Variants in DOCK4 observed in about 807,000 individuals in gnomAD.
DOCK4 encodes dedicator of cytokinesis protein 4.
DOCK4 carries 97 observed loss-of-function variants against 268.1 expected under a neutral mutation model. The observed-to-expected ratio is 0.36, with a 90% CI of 0.31 to 0.43. The LOEUF (loss-of-function observed/expected upper bound fraction) is 0.43. Ranked by LOEUF, DOCK4 falls within the 20% of genes least tolerant of loss-of-function variation. The probability of loss-of-function intolerance (pLI) is 1.00; values close to 1 mark genes in which losing one functional copy is unlikely to be tolerated. For synonymous variants in DOCK4, 954 were observed against 887.2 expected (o/e 1.08, Z -1.34); for missense variants, 2,145 against 2,455.7 (o/e 0.87, Z 2.67).
intron 49 of DOCK4, 74 bp downstream of exon 49, chr7:111,739,060 G>A (rs1795706015): frequency 8.5e-6 from 11 of 1,297,008 alleles, no homozygotes; most frequent in Non-Finnish European, 1.1e-5. Flanking sequence ...CAGCTACCGC[G>A]TGTTTCTGCA....
At chr7:112,043,237 TAAA>T (rs35235606) in intron 1 of DOCK4, among the ~76,000 whole-genome samples, 5 of 145,206 alleles carry the variant, frequency 3.4e-5, no homozygotes, top group African/African-American at 1.2e-4. Flanking sequence ...ATCTCCTTTA[TAAA>T]AAAAAAAAAC....
intron 36 of DOCK4, among the ~76,000 whole-genome samples, chr7:111,777,254 C>A (rs767723272): frequency 2.2e-4 from 34 of 152,136 alleles, no homozygotes; most frequent in Non-Finnish European, 3.7e-4. Context: ...TAAACATATC[C>A]TTCAGGGATA....
chr7:111,987,028 G>A (rs1799106977), intron 6 of DOCK4, among the ~76,000 whole-genome samples: 1 of 152,134 alleles, frequency 6.6e-6, no homozygotes, highest in African/African-American at 2.4e-5. Context: ...TATACTTAAA[G>A]GAATAAGGTA....
intron 26 of DOCK4, among the ~76,000 whole-genome samples, chr7:111,828,581 A>G (rs1802572881): frequency 1.3e-5 from 2 of 152,200 alleles, no homozygotes; most frequent in African/African-American, 4.8e-5. Flanking sequence ...AAATCTCAAT[A>G]TATAATTGAT....
chr7:111,853,720 C>G (rs1198951848), intron 23 of DOCK4, among the ~76,000 whole-genome samples: 1 of 152,164 alleles, frequency 6.6e-6, no homozygotes, highest in Admixed American at 6.5e-5. Context: ...GCCTCCACCT[C>G]AGGCATCCTT....
At chr7:111,974,492 ATGTGTGTGTGTGTGTGTGTGTGTG>A (rs59409689) in intron 8 of DOCK4, among the ~76,000 whole-genome samples, 20 of 84,322 alleles carry the variant, frequency 2.4e-4, no homozygotes, top group Admixed American at 1.9e-3. Context: ...TTGAAGAGGG[ATGTGTGTGTGTGTGTGTGTGTGTG>A]TGTGTGTGTG....
chr7:111,841,287 C>T (rs746343499), intron 25 of DOCK4, among the ~76,000 whole-genome samples: 1 of 151,984 alleles, frequency 6.6e-6, no homozygotes, highest in African/African-American at 2.4e-5. Flanking sequence ...GCCTCAGTCT[C>T]CTGAGTAGCT....
chr7:111,848,389 G>A (rs114643988), intron 23 of DOCK4, among the ~76,000 whole-genome samples: 132 of 152,294 alleles, frequency 8.7e-4, no homozygotes, highest in Middle Eastern at 3.4e-3. Flanking sequence ...TGGTGAAAGC[G>A]ATGCTACTGC....
At chr7:112,160,230 C>A (rs973682459) in intron 1 of DOCK4, among the ~76,000 whole-genome samples, 2 of 152,110 alleles carry the variant, frequency 1.3e-5, no homozygotes, top group African/African-American at 4.8e-5. Flanking sequence ...AACAGAGGCT[C>A]CTGCTTTACC....
chr7:111,832,355 C>T (rs1361163840), intron 26 of DOCK4, among the ~76,000 whole-genome samples: 1 of 152,172 alleles, frequency 6.6e-6, no homozygotes, highest in East Asian at 1.9e-4. Context: ...ACTCAGGGTG[C>T]TCATGCCCAT....
At chr7:111,853,917 T>G (rs1232114051) in intron 23 of DOCK4, among the ~76,000 whole-genome samples, 5 of 151,818 alleles carry the variant, frequency 3.3e-5, no homozygotes, top group Non-Finnish European at 2.9e-5. Flanking sequence ...TCAGTAGCTT[T>G]TTGTTGTTGT....
chr7:111,897,274 C>T (rs548200953), intron 15 of DOCK4, among the ~76,000 whole-genome samples: 1 of 152,244 alleles, frequency 6.6e-6, no homozygotes. Flanking sequence ...GCACCTGACA[C>T]ATGTGATCAA....
intron 25 of DOCK4, among the ~76,000 whole-genome samples, chr7:111,839,861 C>T (rs1420120831): frequency 6.6e-6 from 1 of 151,888 alleles, no homozygotes; most frequent in Non-Finnish European, 1.5e-5. Context: ...TTTGGGGAAA[C>T]AGGTGGTATT....
At chr7:112,003,546 A>G (rs950178275) in intron 2 of DOCK4, among the ~76,000 whole-genome samples, 2 of 152,252 alleles carry the variant, frequency 1.3e-5, no homozygotes, top group South Asian at 4.1e-4. Flanking sequence ...TCATCATACA[A>G]AGTCAGACAA....
intron 20 of DOCK4, among the ~76,000 whole-genome samples, chr7:111,871,747 G>T (rs1050400805): frequency 1.3e-5 from 2 of 152,180 alleles, no homozygotes; most frequent in Admixed American, 6.5e-5. Flanking sequence ...AGACAAGAAG[G>T]AAAGACTTTA....
intron 1 of DOCK4, among the ~76,000 whole-genome samples, chr7:112,141,148 C>T (rs954679027): frequency 5.3e-5 from 8 of 152,166 alleles, no homozygotes; most frequent in African/African-American, 1.9e-4. Context: ...GGCACAGACA[C>T]AGCAGCTTTA....
intron 11 of DOCK4, among the ~76,000 whole-genome samples, chr7:111,936,481 T>TAGGA (rs1554382768): frequency 6.9e-6 from 1 of 145,552 alleles, no homozygotes; most frequent in Admixed American, 6.7e-5. Context: ...CTGTCAGTGG[T>TAGGA]ATGAATGGAT....
chr7:111,744,814 T>C (rs1183498863), intron 44 of DOCK4, among the ~76,000 whole-genome samples: 3 of 152,192 alleles, frequency 2.0e-5, no homozygotes, highest in African/African-American at 7.2e-5. Context: ...CAGATCAGCT[T>C]CAAGTAATTC....
At chr7:111,769,030 G>A (rs28444371) in intron 37 of DOCK4, among the ~76,000 whole-genome samples, 38 of 152,286 alleles carry the variant, frequency 2.5e-4, no homozygotes, top group African/African-American at 8.9e-4. Flanking sequence ...CTTTCACCAT[G>A]TGAAGATACA....
Sources: allele counts gnomAD v4.1 joint callset (sites outside exome capture counted in the v4.1 genomes callset), GRCh38; gene constraint gnomAD v4.1.1; transcripts MANE v1.5; gene names NCBI Gene and HGNC (gene_info 2026-07-23, HGNC 2026-07-21).